PARD3B: variants seen among roughly 807,000 people sequenced by gnomAD.
PARD3B encodes partitioning defective 3 homolog B.
PARD3B carries 103 observed loss-of-function variants against 130.2 expected under a neutral mutation model. The observed-to-expected ratio is 0.79, with a 90% CI of 0.67 to 0.93. PARD3B has a LOEUF of 0.93. PARD3B is among the 40% of genes least tolerant of loss of function. PARD3B has a pLI of 0.00. For synonymous variants in PARD3B, 583 were observed against 553.2 expected (o/e 1.05, Z -0.76); for missense variants, 1,609 against 1,499.2 (o/e 1.07, Z -1.21).
chr2:205,408,733 T>G (rs191900907), intron 19 of PARD3B, among the ~76,000 whole-genome samples: 2 of 152,318 alleles, frequency 1.3e-5, no homozygotes, highest in Admixed American at 6.5e-5. Flanking sequence ...TTTAAACTGT[T>G]GAAAACACCC....
chr2:205,414,772 G>A (rs71427782), intron 19 of PARD3B, among the ~76,000 whole-genome samples: 2,387 of 152,050 alleles, frequency 0.016, 40 homozygotes, highest in African/African-American at 0.042. Flanking sequence ...ATCCTAAAAT[G>A]TTTCACAGTC....
At chr2:204,674,881 T>G (rs1247243117) in intron 1 of PARD3B, among the ~76,000 whole-genome samples, 1 of 152,222 alleles carries the variant, frequency 6.6e-6, no homozygotes, top group East Asian at 1.9e-4. Flanking sequence ...AAAGTTTGAA[T>G]TGGAGATATT....
intron 6 of PARD3B, among the ~76,000 whole-genome samples, chr2:205,114,751 ACCTTT>A (rs1703906180): frequency 4.1e-5 from 1 of 24,600 alleles, no homozygotes. Context: ...CGAAGTCATC[ACCTTT>A]TTTTTTTTTT....
chr2:204,644,131 C>G (rs1212105899), intron 1 of PARD3B, among the ~76,000 whole-genome samples: 1 of 152,142 alleles, frequency 6.6e-6, no homozygotes, highest in Non-Finnish European at 1.5e-5. Context: ...AGAATTCTTG[C>G]TGTAGTTCTT....
At chr2:205,520,354 G>C (rs540067309) in intron 21 of PARD3B, among the ~76,000 whole-genome samples, 1 of 152,282 alleles carries the variant, frequency 6.6e-6, no homozygotes, top group African/African-American at 2.4e-5. Context: ...CAGCTTGTTG[G>C]AGGTGTGATA....
intron 1 of PARD3B, among the ~76,000 whole-genome samples, chr2:204,645,477 T>C (rs762216186): frequency 6.6e-6 from 1 of 152,164 alleles, no homozygotes; most frequent in Non-Finnish European, 1.5e-5. Flanking sequence ...CATGGGTTTC[T>C]TAGGCAACAA....
At position 205,245,804 on chromosome 2, in the gene PARD3B, T is replaced by C. The variant is rs768634383; in HGVS notation, c.2167T>C (p.Leu723=). Residue 723 remains leucine, a synonymous_variant, in exon 16 of 23, where the codon TTG becomes CTG. Transcript: ENST00000406610. ...LVPDESKVHS[L]AGQKSESPSK... ...GCCAGATGAAAGCAAGGTTCACTCA[T>C]TGGCTGGACAAAAATCGGGTAAGAA... 10 of 1,601,176 alleles carry C rather than the reference T, an allele frequency of 6.2e-6. No individual in the cohort carries two copies. The highest frequency in any genetic ancestry group is 6.8e-6 in the Non-Finnish European group (8 of 1,168,694).
intron 2 of PARD3B, among the ~76,000 whole-genome samples, chr2:204,726,138 C>T (rs922639912): frequency 1.3e-5 from 2 of 152,150 alleles, no homozygotes; most frequent in African/African-American, 2.4e-5. Flanking sequence ...AGCATAGCTT[C>T]GCTCAGTAAA....
At chr2:204,965,815 A>G (rs984917040) in intron 3 of PARD3B, among the ~76,000 whole-genome samples, 2 of 152,202 alleles carry the variant, frequency 1.3e-5, no homozygotes, top group South Asian at 2.1e-4. Flanking sequence ...TCATCCAGTA[A>G]TTTTGCTTAG....
chr2:205,602,394 ATTAG>A (rs1204029345), intron 22 of PARD3B, among the ~76,000 whole-genome samples: 5 of 152,148 alleles, frequency 3.3e-5, no homozygotes, highest in Non-Finnish European at 5.9e-5. Context: ...GCCTCATAAA[ATTAG>A]TTAGGGAGAA....
intron 21 of PARD3B, among the ~76,000 whole-genome samples, chr2:205,514,805 TTA>T (rs1209368467): frequency 2.0e-5 from 3 of 149,646 alleles, no homozygotes; most frequent in African/African-American, 7.3e-5. Flanking sequence ...TAACAAGTTT[TTA>T]TGTTTTTATT....
chr2:204,889,013 G>A (rs955166903), intron 2 of PARD3B, among the ~76,000 whole-genome samples: 1 of 152,166 alleles, frequency 6.6e-6, no homozygotes, highest in Non-Finnish European at 1.5e-5. Flanking sequence ...GGTGAGATAA[G>A]TAGAGAGATA....
chr2:204,816,338 C>T (rs530206176), intron 2 of PARD3B, among the ~76,000 whole-genome samples: 4 of 151,690 alleles, frequency 2.6e-5, no homozygotes, highest in Admixed American at 6.6e-5. Flanking sequence ...TTACCAAATC[C>T]GATGCTCTTC....
At chr2:204,966,576 T>C (rs1025172615) in intron 3 of PARD3B, among the ~76,000 whole-genome samples, 1 of 152,210 alleles carries the variant, frequency 6.6e-6, no homozygotes, top group Non-Finnish European at 1.5e-5. Flanking sequence ...AATATTCTAT[T>C]TATAAGCAAG....
chr2:204,833,734 G>T (rs763177565), intron 2 of PARD3B, among the ~76,000 whole-genome samples: 9 of 152,154 alleles, frequency 5.9e-5, no homozygotes, highest in African/African-American at 2.2e-4. Flanking sequence ...CCCCAGCCAC[G>T]TGGAACTGTG....
At position 205,268,724 on chromosome 2, in the gene PARD3B, G is replaced by A. The variant is rs2040608317; in HGVS notation, c.2185+22902G>A. ...AAAATAAAATGAAGTATAATTTTGA[G>A]GAATATAGTGCCAATTTGACAGAAG... On this transcript the variant is annotated intron_variant, in intron 16 of 22. Coordinates refer to ENST00000406610, the MANE Select transcript of PARD3B (RefSeq NM_001302769.2). This position sits in a 1 kb window ranked among gnomAD's most constrained non-coding sequence, Gnocchi z 4.1. Among the ~76,000 whole-genome samples the A allele has an allele frequency of 6.6e-6, 1 of 152,130 alleles. No homozygotes were observed. The highest frequency in any genetic ancestry group is 2.4e-5 in the African/African-American group (1 of 41,430).
chr2:205,157,335 T>A (rs549766079), intron 10 of PARD3B, among the ~76,000 whole-genome samples: 1 of 152,216 alleles, frequency 6.6e-6, no homozygotes. Flanking sequence ...AATAATATAA[T>A]GAGTTAGCTG....
intron 20 of PARD3B, among the ~76,000 whole-genome samples, chr2:205,499,529 T>C (rs191122394): frequency 8.3e-4 from 127 of 152,154 alleles, no homozygotes; most frequent in African/African-American, 2.9e-3. Context: ...TGTCCCAAAT[T>C]AGCAATACTT....
chr2:205,144,659 A>C (rs1054293172), intron 10 of PARD3B, among the ~76,000 whole-genome samples: 4 of 152,196 alleles, frequency 2.6e-5, no homozygotes, highest in African/African-American at 9.6e-5. Context: ...TCTACAAATG[A>C]CATGTTGTAG....
Sources: gnomAD v4.1 joint callset for allele counts (sites outside exome capture counted in the v4.1 genomes callset) on GRCh38, gnomAD v4.1.1 for gene constraint, Gnocchi (gnomAD v3.1) non-coding constraint, MANE v1.5 for transcripts, NCBI Gene and HGNC (gene_info 2026-07-23, HGNC 2026-07-21) for gene names.